The following CCDC91 variants were observed in gnomAD, a reference collection of about 807,000 sequenced individuals.
CCDC91 encodes the protein coiled-coil domain containing 91, also known as coiled-coil domain-containing protein 91.
CCDC91 carries 48 observed loss-of-function variants against 63.2 expected under a neutral mutation model. That is an observed-to-expected ratio of 0.76 (90% CI 0.60 to 0.97). The LOEUF (loss-of-function observed/expected upper bound fraction) is 0.97. CCDC91 is among the 50% of genes least tolerant of loss of function. The pLI is 0.00. For missense variants in CCDC91, 500 were observed against 494.6 expected (o/e 1.01, Z -0.10); for synonymous variants, 167 against 165.8 (o/e 1.01, Z -0.06).
Position 28,251,868 on chromosome 12 carries a change from T to G in CCDC91, c.-14-5334T>G, listed in dbSNP as rs1005892679. On this transcript the variant is annotated intron_variant, in intron 1 of 12. Coordinates refer to ENST00000536442, the MANE Select transcript of CCDC91 (RefSeq NM_018318.5). ...TGTGGAACTCAGTTCACTATTATTC[T>G]GGGAGAAATCCCTTTGCTTTTCACT... Among the ~76,000 whole-genome samples, 25 of 152,152 alleles carry G rather than the reference T, an allele frequency of 1.6e-4. 1 individual carries two copies. The highest frequency in any genetic ancestry group is 1.6e-3 in the Admixed American group (25 of 15,272).
chr12:28,243,692 C>T (rs1945508833), intron 1 of CCDC91, among the ~76,000 whole-genome samples: 1 of 152,016 alleles, frequency 6.6e-6, no homozygotes, highest in South Asian at 2.1e-4. Context: ...AATGAGAATA[C>T]TGTTAATTAT....
Position 28,229,397 on chromosome 12 carries a change from A to G in CCDC91, c.-14-27805A>G, listed in dbSNP as rs182083801. Among the ~76,000 whole-genome samples, 41 of 152,286 alleles carry G rather than the reference A, an allele frequency of 2.7e-4. 1 individual carries two copies. The East Asian group carries it at 4.2e-3, about 16-fold the overall frequency. ...AGAGCATAAAAAAGAAGAATATTAA[A>G]GTGGTAAGTGCTATGCAGAGAATTA... On this transcript the variant is annotated intron_variant, in intron 1 of 12. Transcript: ENST00000536442.
chr12:28,421,251 T>C (rs1771867973), intron 8 of CCDC91, among the ~76,000 whole-genome samples: 1 of 152,128 alleles, frequency 6.6e-6, no homozygotes, highest in Non-Finnish European at 1.5e-5. Flanking sequence ...TGTGCAGGTT[T>C]GTTATATAGG....
intron 10 of CCDC91, among the ~76,000 whole-genome samples, chr12:28,451,677 C>T (rs1949809215): frequency 1.3e-5 from 2 of 151,510 alleles, no homozygotes; most frequent in South Asian, 2.1e-4. Context: ...AATTATGCAT[C>T]GATAAATGAT....
chr12:28,532,358 A>G (rs1941808060), intron 12 of CCDC91, among the ~76,000 whole-genome samples: 1 of 152,124 alleles, frequency 6.6e-6, no homozygotes, highest in East Asian at 1.9e-4. Context: ...TTATTATGTC[A>G]CATTGAAGGG....
chr12:28,408,883 T>A (rs1381376304), intron 8 of CCDC91, among the ~76,000 whole-genome samples: 1 of 152,110 alleles, frequency 6.6e-6, no homozygotes, highest in Non-Finnish European at 1.5e-5. Flanking sequence ...CCTCAAGTGA[T>A]CCACCCACCT....
At chr12:28,523,275 A>C (rs1457474317) in intron 12 of CCDC91, among the ~76,000 whole-genome samples, 2 of 152,128 alleles carry the variant, frequency 1.3e-5, no homozygotes, top group Non-Finnish European at 2.9e-5. Flanking sequence ...GGGTGCATAT[A>C]TATTTAGGAT....
chr12:28,250,025 A>G (rs1946015093), intron 1 of CCDC91, among the ~76,000 whole-genome samples: 1 of 152,124 alleles, frequency 6.6e-6, no homozygotes, highest in South Asian at 2.1e-4. Flanking sequence ...TAAGATTATG[A>G]GAGGGCATAC....
chr12:28,316,769 A>T (rs1263769078), intron 6 of CCDC91, among the ~76,000 whole-genome samples: 2 of 151,142 alleles, frequency 1.3e-5, no homozygotes, highest in Admixed American at 1.3e-4. Context: ...TTTGTCTGAT[A>T]AAAAAAATAT....
intron 8 of CCDC91, among the ~76,000 whole-genome samples, chr12:28,442,991 A>G (rs1449564941): frequency 6.6e-6 from 1 of 152,018 alleles, no homozygotes; most frequent in Non-Finnish European, 1.5e-5. Context: ...ATGAGGTAAC[A>G]TTGTTTATGT....
chr12:28,307,217 A>G (rs1314546546), intron 5 of CCDC91, among the ~76,000 whole-genome samples: 1 of 151,900 alleles, frequency 6.6e-6, no homozygotes, highest in Admixed American at 6.6e-5. Flanking sequence ...GAAAGCAGGT[A>G]GTATTGTGTT....
intron 3 of CCDC91, among the ~76,000 whole-genome samples, chr12:28,280,751 A>G (rs1948550656): frequency 6.6e-6 from 1 of 151,756 alleles, no homozygotes; most frequent in African/African-American, 2.4e-5. Context: ...GGCTGAGGCA[A>G]GAAGATCACT....
chr12:28,227,194 G>T (rs1225510119), intron 1 of CCDC91, among the ~76,000 whole-genome samples: 1 of 152,104 alleles, frequency 6.6e-6, no homozygotes, highest in Non-Finnish European at 1.5e-5. Flanking sequence ...TCACTGGAAA[G>T]TTATTCTTTT....
At chr12:28,340,684 G>A (rs1942349724) in intron 6 of CCDC91, among the ~76,000 whole-genome samples, 1 of 152,208 alleles carries the variant, frequency 6.6e-6, no homozygotes, top group Admixed American at 6.5e-5. Flanking sequence ...GGAGCATACA[G>A]ATGGGCAGGT....
intron 1 of CCDC91, among the ~76,000 whole-genome samples, chr12:28,217,675 T>C (rs546778112): frequency 2.0e-4 from 31 of 151,780 alleles, no homozygotes; most frequent in Non-Finnish European, 1.3e-4. Flanking sequence ...GTGGGAGAAG[T>C]AGGTAAGTAT....
chr12:28,284,602 G>A (rs1173305378), intron 3 of CCDC91, among the ~76,000 whole-genome samples: 1 of 151,324 alleles, frequency 6.6e-6, no homozygotes, highest in East Asian at 1.9e-4. Context: ...GTGGTGAGCC[G>A]AGATCGCGCC....
chr12:28,428,233 T>C (rs566811346), intron 8 of CCDC91, among the ~76,000 whole-genome samples: 3 of 152,214 alleles, frequency 2.0e-5, no homozygotes, highest in East Asian at 3.9e-4. Flanking sequence ...TATTGTATAA[T>C]AGATATTTTA....
At chr12:28,468,895 T>G (rs1950671321) in intron 11 of CCDC91, among the ~76,000 whole-genome samples, 1 of 152,066 alleles carries the variant, frequency 6.6e-6, no homozygotes, top group African/African-American at 2.4e-5. Context: ...CATTTCTTCA[T>G]GATAAAAACC....
At chr12:28,494,852 A>G (rs1192742765) in intron 12 of CCDC91, among the ~76,000 whole-genome samples, 1 of 151,768 alleles carries the variant, frequency 6.6e-6, no homozygotes, top group Non-Finnish European at 1.5e-5. Flanking sequence ...CTACAACAGC[A>G]GCTGCATTTG....
Sources: allele counts gnomAD v4.1 joint callset (sites outside exome capture counted in the v4.1 genomes callset), GRCh38; gene constraint gnomAD v4.1.1; transcripts MANE v1.5; gene names NCBI Gene and HGNC (gene_info 2026-07-23, HGNC 2026-07-21).